Variants in ZFHX3 observed in about 807,000 individuals in gnomAD.
ZFHX3 encodes zinc finger homeobox 3, also known as zinc finger homeobox protein 3.
Under a neutral mutation model 279.1 loss-of-function variants are expected in ZFHX3, and 42 were observed. The ratio of observed to expected loss-of-function variants is 0.15; its 90% CI spans 0.12 to 0.19. The LOEUF is 0.19. Among genes scored for constraint, ZFHX3 ranks in the 10% least tolerant of loss-of-function variants. The pLI is 1.00. For synonymous variants in ZFHX3, 2,293 were observed against 1,957.8 expected (o/e 1.17, Z -4.52); for missense variants, 4,981 against 4,754.0 (o/e 1.05, Z -1.40).
At chr16:73,555,933 TTTTG>T (rs1279027715) in intron 2 of ZFHX3, among the ~76,000 whole-genome samples, 1 of 151,992 alleles carries the variant, frequency 6.6e-6, no homozygotes, top group Non-Finnish European at 1.5e-5. Flanking sequence ...TTAAATTACA[TTTTG>T]TTTAAGTGTC....
intron 2 of ZFHX3, among the ~76,000 whole-genome samples, chr16:73,548,358 G>A (rs1021995089): frequency 6.6e-6 from 1 of 152,026 alleles, no homozygotes; most frequent in Non-Finnish European, 1.5e-5. Context: ...TTTAGTTCTT[G>A]CAACAGCTTT....
Position 73,595,977 on chromosome 16 carries a change from TTTTTATTTTATTTTATTTTA to T in ZFHX3, c.-1547+84183_-1547+84202del, listed in dbSNP as rs61219527. Reference sequence around the variant, plus strand: ...TGTTTTCTCTCTCCCGACCATTACTTTTTTATTTTATTTTATTTTATTTTATTTTATTTTATTTTATTTTA... The same window carrying T: ...TGTTTTCTCTCTCCCGACCATTACTTTTTTATTTTATTTTATTTTATTTTA... On this transcript the variant is annotated intron_variant, in intron 2 of 17. Transcript: ENST00000641206. 2.4e-3 allele frequency among the ~76,000 whole-genome samples: 321 copies of T among 135,476 alleles called. No homozygotes were observed. In the East Asian group the frequency reaches 0.026, roughly 11 times the overall value. 88.9% of individuals were successfully genotyped at this position (135,476 alleles called of 152,430 possible).
chr16:73,326,047 G>C (rs1275773873), intron 3 of ZFHX3, among the ~76,000 whole-genome samples: 3 of 152,138 alleles, frequency 2.0e-5, no homozygotes, highest in African/African-American at 4.8e-5. Flanking sequence ...AGTCATGGAA[G>C]TATCATGGAG....
intron 1 of ZFHX3, among the ~76,000 whole-genome samples, chr16:73,770,989 C>G (rs2054011635): frequency 6.6e-6 from 1 of 152,212 alleles, no homozygotes; most frequent in Non-Finnish European, 1.5e-5. Flanking sequence ...TCTGGTCTAG[C>G]TCCTAACTAG....
chr16:73,728,022 C>CCCCA (rs1555535446), intron 1 of ZFHX3, among the ~76,000 whole-genome samples: 1 of 103,970 alleles, frequency 9.6e-6, no homozygotes, highest in Non-Finnish European at 1.9e-5. Flanking sequence ...TGTGCCCCCC[C>CCCCA]CCCGCCCCCA....
At chr16:73,021,341 T>C (rs1355430359) in intron 1 of ZFHX3, among the ~76,000 whole-genome samples, 2 of 152,312 alleles carry the variant, frequency 1.3e-5, no homozygotes, top group South Asian at 2.1e-4. Context: ...GCAGTCACCC[T>C]TGACTCTATG....
At chr16:73,588,548 G>T (rs2051951774) in intron 2 of ZFHX3, among the ~76,000 whole-genome samples, 1 of 151,786 alleles carries the variant, frequency 6.6e-6, no homozygotes. Flanking sequence ...ATATTAGCCG[G>T]GTGTGGTGGT....
rs1422591969 is a variant in ZFHX3 at position 73,632,875 on chromosome 16, G to A, written c.-1547+47305C>T. Among the ~76,000 whole-genome samples the A allele has an allele frequency of 2.6e-5, 4 of 152,092 alleles. No individual in the cohort carries two copies. In the East Asian group the frequency reaches 7.7e-4, roughly 29 times the overall value. On this transcript the variant is annotated intron_variant, in intron 2 of 17. Coordinates refer to the ZFHX3 transcript ENST00000641206. The stretch of plus-strand genomic sequence containing the variant: ...GTAGATCACAAGGTCAGGAGATAGA[G>A]ACCATCCTGGCTAACACAGTGAAAC...
rs191757071 is a variant in ZFHX3, at chr16:72,903,305, A to G, written c.3217-13343T>C. Reference sequence around the variant, plus strand: ...CCAACAGCAACAGCACCCTCTGGGAATGTCAGATGTGCAAATTCTCAGACC... The same window carrying G: ...CCAACAGCAACAGCACCCTCTGGGAGTGTCAGATGTGCAAATTCTCAGACC... On this transcript the variant is annotated intron_variant, in intron 3 of 9. Coordinates refer to ENST00000268489, the MANE Select transcript of ZFHX3 (RefSeq NM_006885.4). 3.9e-5 allele frequency among the ~76,000 whole-genome samples: 6 copies of G among 152,302 alleles called. No homozygotes were observed. In the East Asian group the frequency reaches 1.2e-3, roughly 29 times the overall value.
At chr16:73,719,582 G>A (rs553603160) in intron 1 of ZFHX3, among the ~76,000 whole-genome samples, 1 of 152,238 alleles carries the variant, frequency 6.6e-6, no homozygotes, top group African/African-American at 2.4e-5. Context: ...CTGAAATCTT[G>A]TATGAGTCAG....
At chr16:73,846,938 T>A (rs1375540224) in intron 1 of ZFHX3, among the ~76,000 whole-genome samples, 1 of 152,192 alleles carries the variant, frequency 6.6e-6, no homozygotes, top group Non-Finnish European at 1.5e-5. Context: ...AATAGTTTTT[T>A]TTTCTCCTTT....
chr16:72,903,233 T>C (rs1370435183), intron 3 of ZFHX3, among the ~76,000 whole-genome samples: 1 of 152,156 alleles, frequency 6.6e-6, no homozygotes, highest in East Asian at 1.9e-4. Flanking sequence ...AGCAGTTCCT[T>C]TCATGCTTGG....
intron 4 of ZFHX3, among the ~76,000 whole-genome samples, chr16:73,265,218 G>C (rs1016866897): frequency 1.3e-5 from 2 of 151,842 alleles, no homozygotes; most frequent in Non-Finnish European, 2.9e-5. Flanking sequence ...TATCTTTTTC[G>C]TCTGGTGACT....
chr16:73,024,117 C>T (rs971180227), intron 1 of ZFHX3, among the ~76,000 whole-genome samples: 1 of 152,218 alleles, frequency 6.6e-6, no homozygotes, highest in African/African-American at 2.4e-5. Flanking sequence ...GAATCAAGGT[C>T]ACTGGAGACA....
At chr16:73,056,741 G>A (rs1965564590) in intron 1 of ZFHX3, among the ~76,000 whole-genome samples, 1 of 152,172 alleles carries the variant, frequency 6.6e-6, no homozygotes, top group Non-Finnish European at 1.5e-5. Context: ...AGTAAATGTA[G>A]GTACACGATT....
At chr16:73,872,161 C>T (rs2142401598) in intron 1 of ZFHX3, among the ~76,000 whole-genome samples, 1 of 152,268 alleles carries the variant, frequency 6.6e-6, no homozygotes, top group South Asian at 2.1e-4. Context: ...AAAGCCATGA[C>T]CAACACTTAT....
At chr16:73,454,485 T>C (rs1343520974) in intron 3 of ZFHX3, among the ~76,000 whole-genome samples, 1 of 151,038 alleles carries the variant, frequency 6.6e-6, no homozygotes, top group African/African-American at 2.4e-5. Context: ...CCATTCAAGC[T>C]ACCAAATTCA....
At chr16:72,810,867 CA>C (rs1567527279) in intron 7 of ZFHX3, among the ~76,000 whole-genome samples, 1 of 152,108 alleles carries the variant, frequency 6.6e-6, no homozygotes, top group African/African-American at 2.4e-5. Flanking sequence ...GGGAATGTGT[CA>C]AAAAAATTTT....
At chr16:73,452,362 TCAA>T (rs2143561451) in intron 3 of ZFHX3, among the ~76,000 whole-genome samples, 1 of 152,314 alleles carries the variant, frequency 6.6e-6, no homozygotes, top group East Asian at 1.9e-4. Context: ...ACATCTTTCA[TCAA>T]CGTCTGTATA....
Sources: gnomAD v4.1 joint callset for allele counts (sites outside exome capture counted in the v4.1 genomes callset) on GRCh38, gnomAD v4.1.1 for gene constraint, MANE v1.5 for transcripts, NCBI Gene and HGNC (gene_info 2026-07-23, HGNC 2026-07-21) for gene names.